Variants in ZC2HC1B observed in about 807,000 individuals in gnomAD.
ZC2HC1B encodes the protein zinc finger C2HC-type containing 1B, also known as zinc finger C2HC domain-containing protein 1B.
Under a neutral mutation model 31.0 loss-of-function variants are expected in ZC2HC1B, and 36 were observed. The observed-to-expected ratio is 1.16, with a 90% CI of 0.89 to 1.54. ZC2HC1B has a LOEUF of 1.54. Ranked by LOEUF, ZC2HC1B falls within the 40% of genes most tolerant of loss-of-function variation. The pLI, the probability that ZC2HC1B is intolerant of heterozygous loss-of-function variation, is 0.00. For synonymous variants in ZC2HC1B, 73 were observed against 88.0 expected (o/e 0.83, Z 0.95); for missense variants, 260 against 268.6 (o/e 0.97, Z 0.22).
chr6:143,935,957 T>A (rs887980526), intron 6 of ZC2HC1B, among the ~76,000 whole-genome samples: 2 of 152,160 alleles, frequency 1.3e-5, no homozygotes, highest in Non-Finnish European at 2.9e-5. Flanking sequence ...TCTTCTTTTT[T>A]AAGTAATATC....
Position 143,908,825 on chromosome 6 carries a change from T to C in ZC2HC1B, c.598+5673T>C, listed in dbSNP as rs1371701551. On this transcript the variant is annotated intron_variant, in intron 6 of 7. Transcript: ENST00000237275. This position sits in a 1 kb window ranked among gnomAD's most constrained non-coding sequence, Gnocchi z 4.4. ...CTTCCAGTACTATGTTCAATAGGAG[T>C]GGTGAGAGAGGGCCTCTTTGTCTTG... Among the ~76,000 whole-genome samples the C allele has an allele frequency of 2.0e-5, 3 of 152,068 alleles. No homozygotes were observed. Among genetic ancestry groups the C allele is most frequent in the Non-Finnish European group, 4.4e-5 (3 of 68,010 alleles).
intron 1 of ZC2HC1B, among the ~76,000 whole-genome samples, chr6:143,867,771 A>G (rs1777282645): frequency 6.6e-6 from 1 of 152,228 alleles, no homozygotes; most frequent in Non-Finnish European, 1.5e-5. Flanking sequence ...ATAGCCGTCA[A>G]CACGTCTGTC....
In ZC2HC1B at chr6:143,918,206, C is replaced by T. The variant is rs1410182352; in HGVS notation, c.598+15054C>T. The stretch of plus-strand genomic sequence containing the variant: ...GTAAGAGACAGGATCTTACTTGTTG[C>T]CCAGGCTGAACTCAAGCTCCTGGGC... On this transcript the variant is annotated intron_variant, in intron 6 of 7. Coordinates refer to ENST00000237275, the MANE Select transcript of ZC2HC1B (RefSeq NM_001013623.3). This position sits in a 1 kb window ranked among gnomAD's most constrained non-coding sequence, Gnocchi z 4.1. 6.6e-6 allele frequency among the ~76,000 whole-genome samples: 1 copy of T among 152,026 alleles called. No homozygotes were observed. Among genetic ancestry groups the T allele is most frequent in the African/African-American group, 2.4e-5 (1 of 41,426 alleles).
At chr6:143,932,103 G>A (rs896802092) in intron 6 of ZC2HC1B, among the ~76,000 whole-genome samples, 2 of 152,062 alleles carry the variant, frequency 1.3e-5, no homozygotes, top group African/African-American at 2.4e-5. Flanking sequence ...TCGAACTCCT[G>A]ACCTCAGGTG....
rs150527263 is a variant in ZC2HC1B, at chr6:143,910,066, C to T, written c.598+6914C>T. Reference sequence around the variant, plus strand: ...TTAGTGCTGTAAATTTTCCTCTTAACACTGCTTTAGCTGCATCCCAGAGAT... The same window carrying T: ...TTAGTGCTGTAAATTTTCCTCTTAATACTGCTTTAGCTGCATCCCAGAGAT... On this transcript the variant is annotated intron_variant, in intron 6 of 7. Transcript: ENST00000237275. Among the ~76,000 whole-genome samples, 1,244 of 152,264 alleles carry T rather than the reference C, an allele frequency of 8.2e-3. 13 individuals carry two copies. The highest frequency in any genetic ancestry group is 0.037 in the Middle Eastern group (11 of 294).
rs186147667 is a variant in ZC2HC1B at position 143,891,251 on chromosome 6, A to T, written c.349+4430A>T. 1.7e-4 allele frequency among the ~76,000 whole-genome samples: 26 copies of T among 152,252 alleles called. No individual in the cohort carries two copies. In the East Asian group the frequency reaches 4.6e-3, roughly 27 times the overall value. On this transcript the variant is annotated intron_variant, in intron 4 of 7. Coordinates refer to ENST00000237275, the MANE Select transcript of ZC2HC1B (RefSeq NM_001013623.3). ...AATGAAAATCTCATAGCATTCCTTCAAGAAATTAAAGAGGACCAGAATAAA... is the reference window on the plus strand; with the variant it reads ...AATGAAAATCTCATAGCATTCCTTCTAGAAATTAAAGAGGACCAGAATAAA...
In ZC2HC1B at chr6:143,884,865, G is replaced by A. The variant is rs1230831616; in HGVS notation, c.90+500G>A. The stretch of plus-strand genomic sequence containing the variant: ...GGTTTTTATACCATTTGAACAAAAT[G>A]ATACATGGATGTAAGTCCTGTTCCA... On this transcript the variant is annotated intron_variant, in intron 2 of 7. Coordinates refer to ENST00000237275, the MANE Select transcript of ZC2HC1B (RefSeq NM_001013623.3). This position sits in a 1 kb window ranked among gnomAD's most constrained non-coding sequence, Gnocchi z 5.1. 6.6e-6 allele frequency among the ~76,000 whole-genome samples: 1 copy of A among 152,114 alleles called. No homozygotes were observed. The highest frequency in any genetic ancestry group is 1.5e-5 in the Non-Finnish European group (1 of 68,018).
intron 1 of ZC2HC1B, among the ~76,000 whole-genome samples, chr6:143,875,950 C>T (rs1453076688): frequency 6.6e-6 from 1 of 150,732 alleles, no homozygotes; most frequent in East Asian, 1.9e-4. Flanking sequence ...AGTTTACAAA[C>T]TCAGTGTCCC....
chr6:143,877,914 GA>G (rs1314093551), intron 1 of ZC2HC1B, among the ~76,000 whole-genome samples: 1 of 150,538 alleles, frequency 6.6e-6, no homozygotes, highest in African/African-American at 2.5e-5. Flanking sequence ...AAGCCAAGTA[GA>G]AGAAGATGGG....
At chr6:143,904,754 C>T (rs1777775231) in intron 6 of ZC2HC1B, among the ~76,000 whole-genome samples, 1 of 152,014 alleles carries the variant, frequency 6.6e-6, no homozygotes, top group Admixed American at 6.6e-5. Flanking sequence ...CGTTTTAGTT[C>T]TTTGATCCAT....
chr6:143,891,560 G>A (rs1165455859), intron 4 of ZC2HC1B, among the ~76,000 whole-genome samples: 3 of 151,932 alleles, frequency 2.0e-5, no homozygotes, highest in African/African-American at 7.3e-5. Context: ...AAATTAGCTG[G>A]ATGTGGTGGT....
intron 4 of ZC2HC1B, among the ~76,000 whole-genome samples, chr6:143,889,894 A>G (rs1345979766): frequency 6.6e-6 from 1 of 152,166 alleles, no homozygotes; most frequent in Non-Finnish European, 1.5e-5. Context: ...ACAGTCACCT[A>G]AGAGAGACCA....
intron 6 of ZC2HC1B, among the ~76,000 whole-genome samples, chr6:143,920,801 G>T (rs74947930): frequency 6.6e-6 from 1 of 151,508 alleles, no homozygotes; most frequent in Non-Finnish European, 1.5e-5. Flanking sequence ...CCAGCTACTC[G>T]GGAGGCTGAG....
intron 5 of ZC2HC1B, 149 bp from the exon 6 acceptor site, chr6:143,902,895 G>A (rs941273218): frequency 2.1e-5 from 14 of 667,708 alleles, no homozygotes; most frequent in Non-Finnish European, 3.3e-5. Context: ...TGCAGGGTGT[G>A]TGTCTGTCCC....
intron 6 of ZC2HC1B, among the ~76,000 whole-genome samples, chr6:143,909,178 T>C (rs988252347): frequency 2.0e-5 from 3 of 152,180 alleles, no homozygotes; most frequent in African/African-American, 7.2e-5. Flanking sequence ...GCCAGTATTT[T>C]GTTGAGGATT....
intron 4 of ZC2HC1B, among the ~76,000 whole-genome samples, chr6:143,894,551 A>G (rs1777640403): frequency 6.6e-6 from 1 of 152,220 alleles, no homozygotes; most frequent in Non-Finnish European, 1.5e-5. Context: ...CATCTGAAAA[A>G]TATGTCATCT....
intron 4 of ZC2HC1B, among the ~76,000 whole-genome samples, chr6:143,888,044 T>C (rs1318676679): frequency 6.6e-6 from 1 of 152,154 alleles, no homozygotes; most frequent in Non-Finnish European, 1.5e-5. Flanking sequence ...TTAGCTCTTA[T>C]GTTTAGATTT....
chr6:143,906,851 T>A (rs542593037), intron 6 of ZC2HC1B, among the ~76,000 whole-genome samples: 2 of 152,150 alleles, frequency 1.3e-5, no homozygotes, highest in South Asian at 4.2e-4. Context: ...GGTAAGCATG[T>A]GCTACGGTGA....
In ZC2HC1B at chr6:143,921,762, T is replaced by C. The variant is rs545069280; in HGVS notation, c.599-15887T>C. ...CTGGGCAACATAGCAAGACCCTGTC[T>C]CTACAAGAAAAATTTAAAAATTTGC... On this transcript the variant is annotated intron_variant, in intron 6 of 7. Coordinates refer to ENST00000237275, the MANE Select transcript of ZC2HC1B (RefSeq NM_001013623.3). The surrounding 1 kb of genome is among the most constrained non-coding windows in gnomAD (Gnocchi z 6.1). 6.6e-6 allele frequency among the ~76,000 whole-genome samples: 1 copy of C among 152,272 alleles called. No individual in the cohort carries two copies. Among genetic ancestry groups the C allele is most frequent in the South Asian group, 2.1e-4 (1 of 4,814 alleles).
Sources: gnomAD v4.1 joint callset for allele counts (sites outside exome capture counted in the v4.1 genomes callset) on GRCh38, gnomAD v4.1.1 for gene constraint, Gnocchi (gnomAD v3.1) non-coding constraint, MANE v1.5 for transcripts, NCBI Gene and HGNC (gene_info 2026-07-23, HGNC 2026-07-21) for gene names.